The following SHTN1 variants were observed in gnomAD, a reference collection of about 807,000 sequenced individuals.
The protein encoded by SHTN1 is shootin-1.
In SHTN1, 42 loss-of-function variants were observed where a neutral mutation model predicts 83.1. That is an observed-to-expected ratio of 0.51 (90% confidence interval 0.39 to 0.65). SHTN1 has a LOEUF of 0.65. SHTN1 is among the 30% of genes least tolerant of loss of function. The probability of loss-of-function intolerance (pLI) is 0.00; values close to 1 mark genes in which losing one functional copy is unlikely to be tolerated. For synonymous variants in SHTN1, 224 were observed against 247.7 expected, an observed-to-expected ratio of 0.90 and a Z score of 0.90; for missense variants, 622 against 737.8, an observed-to-expected ratio of 0.84 and a Z score of 1.82.
intron 1 of SHTN1, among the ~76,000 whole-genome samples, chr10:117,055,692 G>A (rs928077692): frequency 4.6e-5 from 7 of 152,294 alleles, no homozygotes; most frequent in Admixed American, 2.6e-4. Context: ...ACATAGCACA[G>A]CCCTGTCTTT....
intron 2 of SHTN1, among the ~76,000 whole-genome samples, chr10:117,027,050 T>G (rs2133568830): frequency 6.6e-6 from 1 of 152,342 alleles, no homozygotes. Context: ...ACTCCATTTG[T>G]TTGGCAGAAA....
At position 117,075,252 on chromosome 10, in the gene SHTN1, G is replaced by C. The variant is rs535559133; in HGVS notation, c.-188-26742C>G. 2.0e-5 allele frequency among the ~76,000 whole-genome samples: 3 copies of C among 152,210 alleles called. No individual in the cohort carries two copies. In the South Asian group the frequency reaches 6.2e-4, roughly 32 times the overall value. Reference sequence around the variant, plus strand: ...TTTCTCAAGCCCAGCCCTCAACATAGAGGCTCCCTAGATTTGATGAGTCAC... The same window carrying C: ...TTTCTCAAGCCCAGCCCTCAACATACAGGCTCCCTAGATTTGATGAGTCAC... On this transcript the variant is annotated intron_variant, in intron 1 of 17. Coordinates refer to the SHTN1 transcript ENST00000392901.
intron 1 of SHTN1, among the ~76,000 whole-genome samples, chr10:117,075,586 T>A (rs940118000): frequency 5.3e-5 from 8 of 152,158 alleles, no homozygotes; most frequent in Non-Finnish European, 1.2e-4. Flanking sequence ...ATATGCATTA[T>A]GGTAGGAACA....
At chr10:116,922,898 G>A (rs185496243) in intron 11 of SHTN1, among the ~76,000 whole-genome samples, 2 of 151,926 alleles carry the variant, frequency 1.3e-5, no homozygotes, top group Non-Finnish European at 2.9e-5. Context: ...CCTGGGAGGC[G>A]GAAGTTGCAG....
At chr10:116,947,175 T>C (rs1449906525) in intron 7 of SHTN1, among the ~76,000 whole-genome samples, 1 of 152,182 alleles carries the variant, frequency 6.6e-6, no homozygotes, top group Non-Finnish European at 1.5e-5. Context: ...ATAAATTCTT[T>C]GCTATTTTCA....
chr10:116,892,902 A>G (rs1404247486), intron 16 of SHTN1, among the ~76,000 whole-genome samples: 1 of 152,206 alleles, frequency 6.6e-6, no homozygotes. Flanking sequence ...TAAGAAAACT[A>G]CAATGTACCG....
At chr10:117,005,448 C>T, upstream of SHTN1, 1 of 1,056,858 alleles carries the variant, frequency 9.5e-7, no homozygotes, top group Non-Finnish European at 1.1e-6. Flanking sequence ...TCTCCGCCTC[C>T]ACCTCCCGGA....
chr10:117,123,571 T>C (rs1231466557), intron 1 of SHTN1, among the ~76,000 whole-genome samples: 1 of 152,166 alleles, frequency 6.6e-6, no homozygotes, highest in Non-Finnish European at 1.5e-5. Flanking sequence ...TAATTTTGCA[T>C]GCTTGATTAC....
In SHTN1 at chr10:117,041,540, A is replaced by G. The variant is rs540805091; in HGVS notation, c.-123+6905T>C. Among the ~76,000 whole-genome samples the G allele has an allele frequency of 2.6e-5, 4 of 152,280 alleles. No individual in the cohort carries two copies. In the South Asian group the frequency reaches 8.3e-4, roughly 32 times the overall value. The stretch of plus-strand genomic sequence containing the variant: ...TTTTTTCAGTGACAGGCATTGCTTC[A>G]TACGAGGATAGCATATACACAGGCT... On this transcript the variant is annotated intron_variant, in intron 2 of 17. Coordinates refer to the SHTN1 transcript ENST00000392901.
rs1399320831 is a variant in SHTN1, at chr10:116,883,854, CTTTG to C, written c.*2486_*2489del. On this transcript the variant is annotated 3_prime_UTR_variant, in exon 17 of 17. Transcript: ENST00000355371. The stretch of plus-strand genomic sequence containing the variant: ...CTGCTGAAACTGCTGTGGGTGAGGA[CTTTG>C]TTTGAGACCAGCTCACATACAAAAG... 1.6e-5 allele frequency: 3 copies of C among 184,528 alleles called. No individual in the cohort carries two copies. Among genetic ancestry groups the C allele is most frequent in the South Asian group, 1.7e-4 (2 of 11,434 alleles). 11.4% of individuals were successfully genotyped at this position (184,528 alleles called of 1,614,324 possible). A position where few individuals can be genotyped will look rare whatever the true frequency, so the allele number is the denominator to read the frequency against.
Position 117,039,850 on chromosome 10 carries a change from C to CAAAAAAA in SHTN1, c.-123+8588_-123+8594dup, listed in dbSNP as rs71013633. Reference sequence around the variant, plus strand: ...CCTGGGCAACAGAGTGAGACTCCATCAAAAAAAAAAAAAAAGAAAGAAAGA... The same window carrying CAAAAAAA: ...CCTGGGCAACAGAGTGAGACTCCATCAAAAAAAAAAAAAAAAAAAAAAGAAAGAAAGA... On this transcript the variant is annotated intron_variant, in intron 2 of 17. Transcript: ENST00000392901. Among the ~76,000 whole-genome samples, 391 of 129,658 alleles carry CAAAAAAA rather than the reference C, an allele frequency of 3.0e-3. 1 individual carries two copies. Among genetic ancestry groups the CAAAAAAA allele is most frequent in the African/African-American group, 0.012 (371 of 32,018 alleles). 85.1% of individuals were successfully genotyped at this position (129,658 alleles called of 152,430 possible).
intron 2 of SHTN1, among the ~76,000 whole-genome samples, chr10:116,973,702 T>C (rs1192114203): frequency 1.3e-5 from 2 of 152,176 alleles, no homozygotes; most frequent in Non-Finnish European, 2.9e-5. Context: ...ATGTACCCAT[T>C]TCCTAAGGAA....
At chr10:116,977,203 C>A (rs1244496111) in intron 2 of SHTN1, among the ~76,000 whole-genome samples, 1 of 152,180 alleles carries the variant, frequency 6.6e-6, no homozygotes, top group African/African-American at 2.4e-5. Context: ...AAGGATTAAA[C>A]AAGAAGAATA....
chr10:116,899,770 C>T lies in SHTN1; in HGVS notation c.1673+1995G>A, dbSNP rs536729725. Among the ~76,000 whole-genome samples the T allele has an allele frequency of 5.3e-5, 8 of 152,164 alleles. No individual in the cohort carries two copies. In the South Asian group the frequency reaches 8.3e-4, roughly 16 times the overall value. On this transcript the variant is annotated intron_variant, in intron 16 of 16. Coordinates refer to ENST00000355371, the MANE Select transcript of SHTN1 (RefSeq NM_001127211.3). ...ATACTTTACTTATTAATTGCTGACC[C>T]GACTTCAAAGTGCTTTGACAGGCCA... is the stretch of plus-strand genomic sequence containing the variant.
chr10:116,901,104 C>G (rs919354815), intron 16 of SHTN1: 24 of 985,328 alleles, frequency 2.4e-5, no homozygotes, highest in Non-Finnish European at 2.4e-5. Flanking sequence ...CTTTAAGTGA[C>G]AAACTAGCTG....
At chr10:117,050,971 C>T (rs1049565839) in intron 1 of SHTN1, among the ~76,000 whole-genome samples, 5 of 152,092 alleles carry the variant, frequency 3.3e-5, no homozygotes, top group Non-Finnish European at 7.4e-5. Flanking sequence ...GCAGGAGGAT[C>T]GCTTGAGCCC....
intron 1 of SHTN1, among the ~76,000 whole-genome samples, chr10:117,004,599 AG>A (rs1463142967): frequency 6.6e-6 from 1 of 152,188 alleles, no homozygotes; most frequent in Non-Finnish European, 1.5e-5. Context: ...ACAGCCCTAC[AG>A]GCCACCCAGC....
At chr10:117,121,903 G>T (rs1017481152) in intron 1 of SHTN1, among the ~76,000 whole-genome samples, 8 of 149,546 alleles carry the variant, frequency 5.3e-5, no homozygotes, top group Admixed American at 4.0e-4. Context: ...GTGGTGGCAG[G>T]CGCCTGTAGT....
intron 1 of SHTN1, among the ~76,000 whole-genome samples, chr10:117,120,058 G>T (rs1049783123): frequency 6.6e-6 from 1 of 152,062 alleles, no homozygotes; most frequent in Non-Finnish European, 1.5e-5. Context: ...AGTGGGGCAG[G>T]TAAGGATGGT....
Sources: allele counts gnomAD v4.1 joint callset (sites outside exome capture counted in the v4.1 genomes callset), GRCh38; gene constraint gnomAD v4.1.1; transcripts MANE v1.5; gene names NCBI Gene and HGNC (gene_info 2026-07-23, HGNC 2026-07-21).